Variants in PTGER3 observed in about 807,000 individuals in gnomAD.
PTGER3 encodes the protein prostaglandin E receptor 3.
PTGER3 carries 22 observed loss-of-function variants against 34.7 expected under a neutral mutation model. The ratio of observed to expected loss-of-function variants is 0.63; its 90% confidence interval spans 0.45 to 0.91. PTGER3 has a LOEUF of 0.91. Ranked by LOEUF, PTGER3 falls within the 40% of genes least tolerant of loss-of-function variation. The pLI is 0.00. For synonymous variants in PTGER3, 241 were observed against 230.1 expected (o/e 1.05, Z -0.43); for missense variants, 468 against 519.4 (o/e 0.90, Z 0.96).
chr1:70,908,096 C>T (rs959029868), intron 4 of PTGER3, among the ~76,000 whole-genome samples: 1 of 152,260 alleles, frequency 6.6e-6, no homozygotes, highest in East Asian at 1.9e-4. Flanking sequence ...ATTAATTATA[C>T]CCACTTTGTC....
chr1:70,861,630 C>G (rs1207096648), intron 4 of PTGER3, among the ~76,000 whole-genome samples: 1 of 151,276 alleles, frequency 6.6e-6, no homozygotes, highest in South Asian at 2.1e-4. Flanking sequence ...GAAAAGAATC[C>G]ATTAGAATTA....
intron 4 of PTGER3, among the ~76,000 whole-genome samples, chr1:70,902,857 A>C (rs1168497159): frequency 6.6e-6 from 1 of 152,180 alleles, no homozygotes. Context: ...TATTGAGCCT[A>C]AGAAAAGAGA....
At chr1:70,868,353 C>T (rs1484619213) in intron 4 of PTGER3, among the ~76,000 whole-genome samples, 1 of 152,044 alleles carries the variant, frequency 6.6e-6, no homozygotes, top group African/African-American at 2.4e-5. Flanking sequence ...TTGTCTATTG[C>T]CTTATTGTTT....
chr1:70,994,109 C>G (rs1395070398), intron 2 of PTGER3, among the ~76,000 whole-genome samples: 1 of 152,212 alleles, frequency 6.6e-6, no homozygotes, highest in African/African-American at 2.4e-5. Flanking sequence ...CTACCCTTCT[C>G]TCTTCTAGCC....
intron 4 of PTGER3, chr1:70,862,412 GCAAT>G: frequency 1.5e-6 from 2 of 1,342,822 alleles, no homozygotes; most frequent in Non-Finnish European, 2.0e-6. Context: ...TATGTGATAG[GCAAT>G]AGAAATATTG....
downstream of PTGER3, among the ~76,000 whole-genome samples, chr1:70,948,895 T>C (rs78763984): frequency 1.1e-4 from 16 of 152,154 alleles, no homozygotes; most frequent in African/African-American, 2.9e-4. Flanking sequence ...TCCACAAATG[T>C]TCCCTTTAGA....
chr1:70,897,384 C>T (rs1646744033), intron 4 of PTGER3, among the ~76,000 whole-genome samples: 1 of 152,124 alleles, frequency 6.6e-6, no homozygotes, highest in African/African-American at 2.4e-5. Flanking sequence ...CCTGCTGTCA[C>T]CAAATGACTC....
intron 2 of PTGER3, chr1:71,007,097 A>G: frequency 2.0e-6 from 2 of 984,876 alleles, no homozygotes; most frequent in Non-Finnish European, 2.4e-6. Flanking sequence ...GATAAAAGAG[A>G]CTTTTCCATT....
intron 4 of PTGER3, chr1:70,865,746 C>T (rs570901035): frequency 8.6e-5 from 117 of 1,366,470 alleles, no homozygotes; most frequent in African/African-American, 4.4e-4. Flanking sequence ...GAAGACATGG[C>T]GGGAAAGGAC....
At chr1:70,975,372 T>A (rs1278669180) in intron 2 of PTGER3, among the ~76,000 whole-genome samples, 8 of 151,294 alleles carry the variant, frequency 5.3e-5, no homozygotes, top group Non-Finnish European at 8.8e-5. Context: ...TCCTTTTTTT[T>A]ATAAATTTCT....
intron 2 of PTGER3, among the ~76,000 whole-genome samples, chr1:70,992,900 A>T (rs1307264891): frequency 6.6e-6 from 1 of 152,218 alleles, no homozygotes; most frequent in South Asian, 2.1e-4. Context: ...TTTGAATACT[A>T]TAGCAACAGT....
downstream of PTGER3, among the ~76,000 whole-genome samples, chr1:70,969,617 A>G (rs560478855): frequency 6.6e-6 from 1 of 152,322 alleles, no homozygotes; most frequent in South Asian, 2.1e-4. Context: ...AAAAACAAAA[A>G]TACTTAAAGT....
At chr1:70,889,438 TTGTTCTC>T (rs1390581610) in intron 4 of PTGER3, among the ~76,000 whole-genome samples, 1 of 140,102 alleles carries the variant, frequency 7.1e-6, no homozygotes, top group East Asian at 2.0e-4. Context: ...AAAAAAAAGA[TTGTTCTC>T]TGTTTTTGTT....
chr1:71,024,014 T>C (rs1393993206), intron 1 of PTGER3, among the ~76,000 whole-genome samples: 1 of 152,074 alleles, frequency 6.6e-6, no homozygotes, highest in Non-Finnish European at 1.5e-5. Flanking sequence ...GTTATTCCAC[T>C]TTGCAAAGTC....
At position 71,047,524 on chromosome 1, in the gene PTGER3, G is replaced by A; in HGVS notation, c.54C>T (p.Asn18=). 6.3e-7 allele frequency: 1 copy of A among 1,591,442 alleles called. No homozygotes were observed. Among genetic ancestry groups the A allele is most frequent in the Non-Finnish European group, 8.6e-7 (1 of 1,169,268 alleles). Residue 18 remains asparagine (N), a synonymous_variant, in exon 1 of 4, where the codon AAC becomes AAT. Transcript: ENST00000306666. ...GGDAPFCTRL[N]HSYTGMWAPE... ...GCGCCCACATGCCTGTGTAGGAGTG[G>A]TTGAGGCGGGTGCAGAAGGGGGCAT...
intron 2 of PTGER3, among the ~76,000 whole-genome samples, chr1:71,002,915 T>G (rs545351753): frequency 6.6e-5 from 10 of 152,354 alleles, no homozygotes; most frequent in African/African-American, 1.9e-4. Context: ...CAACTTGTAA[T>G]GTCATGCACA....
intron 2 of PTGER3, among the ~76,000 whole-genome samples, chr1:70,985,640 G>A (rs1037510840): frequency 2.6e-5 from 4 of 152,110 alleles, no homozygotes; most frequent in Non-Finnish European, 4.4e-5. Flanking sequence ...CTGACCAGTC[G>A]TTACCTCCTC....
At chr1:70,889,513 G>C (rs1029744855) in intron 4 of PTGER3, among the ~76,000 whole-genome samples, 1 of 151,630 alleles carries the variant, frequency 6.6e-6, no homozygotes, top group Admixed American at 6.6e-5. Context: ...TTCTCTGTTG[G>C]ACAAATTTAG....
At chr1:70,863,114 G>GCA (rs1401644656) in intron 4 of PTGER3, among the ~76,000 whole-genome samples, 1 of 151,908 alleles carries the variant, frequency 6.6e-6, no homozygotes, top group Non-Finnish European at 1.5e-5. Flanking sequence ...GCCATAACAT[G>GCA]AGCTACAGTT....
Sources: allele counts gnomAD v4.1 joint callset (sites outside exome capture counted in the v4.1 genomes callset), GRCh38; gene constraint gnomAD v4.1.1; transcripts MANE v1.5; gene names NCBI Gene and HGNC (gene_info 2026-07-23, HGNC 2026-07-21).